Variants in TNFRSF14 observed in about 807,000 individuals in gnomAD.
The protein encoded by TNFRSF14 is tumor necrosis factor receptor superfamily member 14.
A neutral mutation model predicts 34.1 loss-of-function variants in TNFRSF14; 18 were observed. The ratio of observed to expected loss-of-function variants is 0.53; its 90% CI spans 0.36 to 0.78. The LOEUF is 0.78. Ranked by LOEUF, TNFRSF14 falls within the 30% of genes least tolerant of loss-of-function variation. The probability of loss-of-function intolerance (pLI) is 0.00; values close to 1 mark genes in which losing one functional copy is unlikely to be tolerated. For missense variants in TNFRSF14, 352 were observed against 379.5 expected, an observed-to-expected ratio of 0.93 and a Z score of 0.60; for synonymous variants, 157 against 153.2, an observed-to-expected ratio of 1.02 and a Z score of -0.18.
At position 2,556,658 on chromosome 1, in the gene TNFRSF14, C is replaced by T. The variant is rs1460067295; in HGVS notation, c.-7C>T. On this transcript the variant is annotated 5_prime_UTR_variant, in exon 1 of 8. Coordinates refer to ENST00000355716, the MANE Select transcript of TNFRSF14 (RefSeq NM_003820.4). ...GGGTTCCCGAGCTGCCGGTCTGAGC[C>T]TGAGGCATGGAGCCTCCTGGAGACT... 3.1e-6 allele frequency: 5 copies of T among 1,609,844 alleles called. No homozygotes were observed. In the South Asian group the frequency reaches 3.3e-5, roughly 11 times the overall value.
chr1:2,561,484 C>T lies in TNFRSF14; in HGVS notation c.552-189C>T. ...TCTTCTCCTCCTTCCTTCTCTCCAC[C>T]TCCCCATAGCCGAGCTTGGAAAAGT... On this transcript the variant is annotated intron_variant, in intron 5 of 7. Coordinates refer to ENST00000355716, the MANE Select transcript of TNFRSF14 (RefSeq NM_003820.4). The surrounding 1 kb of genome is among the most constrained non-coding windows in gnomAD (Gnocchi z 6.0). 2 of 1,512,880 alleles carry T rather than the reference C, an allele frequency of 1.3e-6. No individual in the cohort carries two copies. Among genetic ancestry groups the T allele is most frequent in the East Asian group, 2.5e-5 (1 of 40,388 alleles). The allele number at this position is 1,512,880 out of a possible 1,614,324, so 93.7% of individuals were successfully genotyped here.
chr1:2,556,728 A>T lies in TNFRSF14; in HGVS notation c.64A>T (p.Arg22Trp), dbSNP rs2100838672. Reference protein sequence around the residue: ...WRSTPKTDVLRLVLYLTFLGA... With the variant: ...WRSTPKTDVLWLVLYLTFLGA... ...ATCCACCCCCAAAACCGACGTCTTGAGGCTGGTGAGCCCCCGAGCCTCCTC... is the reference window on the plus strand; with the variant it reads ...ATCCACCCCCAAAACCGACGTCTTGTGGCTGGTGAGCCCCCGAGCCTCCTC... The change falls in exon 1 of 8, where the codon AGG (arginine) becomes TGG (tryptophan). Residue 22 changes from arginine (R) to tryptophan (W), a missense_variant. By Grantham distance (101) the Arg-to-Trp change is moderately radical. Transcript: ENST00000355716. The T allele has an allele frequency of 6.3e-7, 1 of 1,599,746 alleles. No homozygotes were observed. Among genetic ancestry groups the T allele is most frequent in the Non-Finnish European group, 8.5e-7 (1 of 1,173,446 alleles).
In TNFRSF14 at chr1:2,556,411, C is replaced by T. The variant is rs1374102945; in HGVS notation, c.-254C>T. 1.0e-5 allele frequency: 7 copies of T among 687,904 alleles called. No individual in the cohort carries two copies. The highest frequency in any genetic ancestry group is 1.9e-5 in the Non-Finnish European group (7 of 376,132). 42.6% of individuals were successfully genotyped at this position (687,904 alleles called of 1,614,324 possible). Reference sequence around the variant, plus strand: ...CTCGGCTTTGCCTGGACAGCTCCTGCCTCCCGCAGGGCCCACCTGTGTCCC... The same window carrying T: ...CTCGGCTTTGCCTGGACAGCTCCTGTCTCCCGCAGGGCCCACCTGTGTCCC... On this transcript the variant is annotated 5_prime_UTR_variant, in exon 1 of 8. Coordinates refer to ENST00000355716, the MANE Select transcript of TNFRSF14 (RefSeq NM_003820.4).
Position 2,558,479 on chromosome 1 carries a change from A to G in TNFRSF14, c.304+11A>G, listed in dbSNP as rs762790549. 2 of 1,612,438 alleles carry G rather than the reference A, an allele frequency of 1.2e-6. No homozygotes were observed. The highest frequency in any genetic ancestry group is 1.3e-5 in the African/African-American group (1 of 74,892). ...AAATGTGTGACCCAGGTAAGAGGCC[A>G]GCACAGCCGGCCCAGCCTCCGCTTG... On this transcript the variant is annotated intron_variant, in intron 3 of 7. Coordinates refer to ENST00000355716, the MANE Select transcript of TNFRSF14 (RefSeq NM_003820.4).
intron 3 of TNFRSF14, chr1:2,559,153 G>C: frequency 7.3e-7 from 1 of 1,364,730 alleles, no homozygotes; most frequent in Non-Finnish European, 9.7e-7. Flanking sequence ...GGAGGCACAG[G>C]GCAGGTGGGC....
Position 2,559,942 on chromosome 1 carries a change from G to A in TNFRSF14, c.424G>A (p.Ala142Thr), listed in dbSNP as rs551576039. 2.5e-6 allele frequency: 4 copies of A among 1,591,792 alleles called. No individual in the cohort carries two copies. The highest frequency in any genetic ancestry group is 2.3e-5 in the East Asian group (1 of 43,878). Residue 142 changes from alanine (A) to threonine (T), a missense_variant, in exon 4 of 8, where the codon GCC becomes ACC. Transcript: ENST00000355716. Reference protein sequence around the residue: ...GDHCAACRAYATSSPGQRVQK... With the variant: ...GDHCAACRAYTTSSPGQRVQK... ...CCACTGCGCCGCGTGCCGCGCTTAC[G>A]CCACCTCCAGCCCGGGCCAGAGGGT... is the stretch of plus-strand genomic sequence containing the variant.
At chr1:2,556,149 C>T (rs1369262645), upstream of TNFRSF14, 2 of 389,218 alleles carry the variant, frequency 5.1e-6, no homozygotes, top group East Asian at 1.0e-4. Context: ...GAAGTTTACC[C>T]TGTTCAGCAG....
At chr1:2,559,150 C>T (rs1201850085) in intron 3 of TNFRSF14, 1 of 1,363,510 alleles carries the variant, frequency 7.3e-7, no homozygotes, top group Non-Finnish European at 9.7e-7. Flanking sequence ...CAGGGAGGCA[C>T]AGGGCAGGTG....
At position 2,560,642 on chromosome 1, in the gene TNFRSF14, C is replaced by A. The variant is rs759215192; in HGVS notation, c.479C>A (p.Thr160Asn). The change falls in exon 5 of 8, where the codon ACC (threonine) becomes AAC (asparagine). Residue 160 changes from threonine to asparagine, a missense_variant. Coordinates refer to ENST00000355716, the MANE Select transcript of TNFRSF14 (RefSeq NM_003820.4). ...TTCTCAGGCACCGAGAGTCAGGACA[C>A]CCTGTGTCAGAACTGCCCCCCGGGG... is the stretch of plus-strand genomic sequence containing the variant. ...VQKGGTESQD[T>N]LCQNCPPGTF... 1.2e-6 allele frequency: 2 copies of A among 1,613,482 alleles called. No individual in the cohort carries two copies. Among genetic ancestry groups the A allele is most frequent in the Non-Finnish European group, 8.5e-7 (1 of 1,179,916 alleles).
chr1:2,559,255 T>C, intron 3 of TNFRSF14: 1 of 1,369,024 alleles, frequency 7.3e-7, no homozygotes, highest in Non-Finnish European at 9.6e-7. Context: ...GCATGCCCAG[T>C]TCCATGCCCC....
chr1:2,557,427 C>T (rs944190508), intron 1 of TNFRSF14, among the ~76,000 whole-genome samples: 6 of 152,164 alleles, frequency 3.9e-5, no homozygotes, highest in Non-Finnish European at 7.4e-5. Context: ...CCAGTGGGCT[C>T]AATGCTCCCA....
rs988536595 is a variant in TNFRSF14, at chr1:2,561,132, C to G, written c.551+418C>G. 2 of 332,328 alleles carry G rather than the reference C, an allele frequency of 6.0e-6. No homozygotes were observed. Among genetic ancestry groups the G allele is most frequent in the Middle Eastern group, 7.9e-4 (1 of 1,262 alleles). 20.6% of individuals were successfully genotyped at this position (332,328 alleles called of 1,614,324 possible). A position where few individuals can be genotyped will look rare whatever the true frequency, so the allele number is the denominator to read the frequency against. On this transcript the variant is annotated intron_variant, in intron 5 of 7. Coordinates refer to ENST00000355716, the MANE Select transcript of TNFRSF14 (RefSeq NM_003820.4). This position sits in a 1 kb window ranked among gnomAD's most constrained non-coding sequence, Gnocchi z 6.0. Reference sequence around the variant, plus strand: ...GACACCTTCAAATGCTGACCCTGGGCCCCTAACTGACCTGAGACTTCAGAG... The same window carrying G: ...GACACCTTCAAATGCTGACCCTGGGGCCCTAACTGACCTGAGACTTCAGAG...
At chr1:2,556,996 T>C in intron 1 of TNFRSF14, 1 of 453,808 alleles carries the variant, frequency 2.2e-6, no homozygotes, top group East Asian at 3.3e-5. Context: ...CACGGGCAGC[T>C]GGTGAGCCCC....
Position 2,558,368 on chromosome 1 carries a change from G to T in TNFRSF14, c.204G>T (p.Gly68=), listed in dbSNP as rs779108697. The change falls in exon 3 of 8, where the codon GGG becomes GGT. Residue 68 remains glycine (G), a synonymous_variant. Transcript: ENST00000355716. ...GTTATCGTGTGAAGGAGGCCTGCGGGGAGCTGACGGGCACAGTGTGTGAAC... is the reference window on the plus strand; with the variant it reads ...GTTATCGTGTGAAGGAGGCCTGCGGTGAGCTGACGGGCACAGTGTGTGAAC... The part of the protein sequence containing the change: ...SPGYRVKEAC[G]ELTGTVCEPC... The T allele has an allele frequency of 6.2e-7, 1 of 1,609,856 alleles. No homozygotes were observed. Among genetic ancestry groups the T allele is most frequent in the Non-Finnish European group, 8.5e-7 (1 of 1,178,482 alleles).
At position 2,563,544 on chromosome 1, in the gene TNFRSF14, C is replaced by T. The variant is rs1401855405; in HGVS notation, c.*271C>T. On this transcript the variant is annotated 3_prime_UTR_variant, in exon 8 of 8. Transcript: ENST00000355716. ...TCCTGAGGAGGAGCGCCAGTTGCCC[C>T]TCGCTCACAGACCACACACCCAGCC... 1 of 447,064 alleles carries T rather than the reference C, an allele frequency of 2.2e-6. No homozygotes were observed. The highest frequency in any genetic ancestry group is 2.0e-5 in the African/African-American group (1 of 51,276). The allele number at this position is 447,064 out of a possible 1,614,324, so 27.7% of individuals were successfully genotyped here.
rs2100845824 is a variant in TNFRSF14 at position 2,558,363 on chromosome 1, T to C, written c.199T>C (p.Cys67Arg). The C allele has an allele frequency of 6.2e-7, 1 of 1,609,322 alleles. No homozygotes were observed. Among genetic ancestry groups the C allele is most frequent in the Non-Finnish European group, 8.5e-7 (1 of 1,178,268 alleles). The change falls in exon 3 of 8, where the codon TGC becomes CGC. Residue 67 changes from cysteine (C) to arginine (R), a missense_variant. By Grantham distance (180) the Cys-to-Arg change is radical (BLOSUM62 -3). Transcript: ENST00000355716. The part of the protein sequence containing the change: ...CSPGYRVKEA[C>R]GELTGTVCEP... Reference sequence around the variant, plus strand: ...GGCAGGTTATCGTGTGAAGGAGGCCTGCGGGGAGCTGACGGGCACAGTGTG... The same window carrying C: ...GGCAGGTTATCGTGTGAAGGAGGCCCGCGGGGAGCTGACGGGCACAGTGTG...
At chr1:2,554,883 G>A (rs1307667919), upstream of TNFRSF14, 1 of 152,268 alleles carries the variant, frequency 6.6e-6, no homozygotes, top group Non-Finnish European at 1.5e-5. This position sits in a 1 kb window ranked among gnomAD's most constrained non-coding sequence, Gnocchi z 4.2. Context: ...CGTTCTTGGG[G>A]AGTTGGTGAG....
At chr1:2,562,746 C>T (rs977425117) in intron 6 of TNFRSF14, 119 bp from the exon 7 acceptor site, 32 of 1,314,306 alleles carry the variant, frequency 2.4e-5, no homozygotes, top group South Asian at 1.1e-4. Flanking sequence ...CCCTTGGGGA[C>T]GGTCTCCCAG....
Position 2,559,841 on chromosome 1 carries a change from G to T in TNFRSF14, c.323G>T (p.Ser108Ile), listed in dbSNP as rs771117042. ...ACTCCAGCCATGGGCCTGCGCGCGA[G>T]CCGGAACTGCTCCAGGACAGAGAAC... Reference protein sequence around the residue: ...MCDPAMGLRASRNCSRTENAV... With the variant: ...MCDPAMGLRAIRNCSRTENAV... The change falls in exon 4 of 8, where the codon AGC becomes ATC. Residue 108 changes from serine to isoleucine, a missense_variant. Ser to Ile is a moderately radical substitution (Grantham distance 142, BLOSUM62 -2). Transcript: ENST00000355716. The T allele has an allele frequency of 6.2e-7, 1 of 1,608,478 alleles. No individual in the cohort carries two copies.
Sources: allele counts gnomAD v4.1 joint callset (sites outside exome capture counted in the v4.1 genomes callset), GRCh38; gene constraint gnomAD v4.1.1; non-coding constraint Gnocchi (gnomAD v3.1); transcripts MANE v1.5; gene names NCBI Gene and HGNC (gene_info 2026-07-23, HGNC 2026-07-21).